PDE7B: variants seen among roughly 807,000 people sequenced by gnomAD.
PDE7B encodes the protein phosphodiesterase 7B, also known as 3',5'-cyclic-AMP phosphodiesterase 7B.
A neutral mutation model predicts 56.2 loss-of-function variants in PDE7B; 29 were observed. The observed-to-expected ratio is 0.52, with a 90% CI of 0.38 to 0.70. The LOEUF (loss-of-function observed/expected upper bound fraction) is 0.70, where lower values mean the gene tolerates loss of function less well. PDE7B is among the 30% of genes least tolerant of loss of function. The pLI is 0.00. For synonymous variants in PDE7B, 197 were observed against 196.9 expected (o/e 1.00, Z 0.00); for missense variants, 490 against 565.0 (o/e 0.87, Z 1.35).
intron 2 of PDE7B, among the ~76,000 whole-genome samples, chr6:136,096,730 A>G (rs1777476275): frequency 6.6e-6 from 1 of 152,108 alleles, no homozygotes; most frequent in African/African-American, 2.4e-5. Flanking sequence ...TAGTTGACCA[A>G]TTGCAAGCCA....
At chr6:135,906,827 T>TTTTG (rs1583758410) in intron 1 of PDE7B, among the ~76,000 whole-genome samples, 1 of 133,454 alleles carries the variant, frequency 7.5e-6, no homozygotes, top group African/African-American at 2.8e-5. Context: ...TTTTTTTTTT[T>TTTTG]TTTTTTTTTA....
intron 1 of PDE7B, among the ~76,000 whole-genome samples, chr6:135,870,881 G>A (rs1775365761): frequency 6.6e-6 from 1 of 152,138 alleles, no homozygotes; most frequent in African/African-American, 2.4e-5. Flanking sequence ...GCGTGGGGAG[G>A]TTGGGAAAGG....
intron 11 of PDE7B, among the ~76,000 whole-genome samples, chr6:136,185,993 C>G (rs1208309132): frequency 6.6e-6 from 1 of 151,820 alleles, no homozygotes; most frequent in African/African-American, 2.4e-5. Flanking sequence ...AAGTTTTGTA[C>G]AATACATTTC....
At chr6:135,983,092 A>G (rs896819335) in intron 2 of PDE7B, among the ~76,000 whole-genome samples, 9 of 152,236 alleles carry the variant, frequency 5.9e-5, no homozygotes, top group Admixed American at 2.0e-4. Flanking sequence ...CAAAAATAAA[A>G]ATGCCATATG....
In PDE7B at chr6:135,978,356, T is replaced by C. The variant is rs533961355; in HGVS notation, c.82+30832T>C. Among the ~76,000 whole-genome samples the C allele has an allele frequency of 4.0e-5, 6 of 151,718 alleles. No individual in the cohort carries two copies. The South Asian group carries it at 8.3e-4, about 21-fold the overall frequency. On this transcript the variant is annotated intron_variant, in intron 2 of 12. Coordinates refer to ENST00000308191, the MANE Select transcript of PDE7B (RefSeq NM_018945.4). Reference sequence around the variant, plus strand: ...TAAATGGAGCTTGCAGGACTGGAAATTGCTGTGGATGAGTGAGTGAGTGAG... The same window carrying C: ...TAAATGGAGCTTGCAGGACTGGAAACTGCTGTGGATGAGTGAGTGAGTGAG...
At position 136,155,764 on chromosome 6, in the gene PDE7B, G is replaced by A; in HGVS notation, c.711+6G>A. On this transcript the variant is annotated splice_donor_region_variant and intron_variant, in intron 8 of 12. Coordinates refer to ENST00000308191, the MANE Select transcript of PDE7B (RefSeq NM_018945.4). ...ATCTTGCAAACCTATATCAGGTAAG[G>A]GAGCCCAACCTGGAGCCAGCCACAG... 1 of 1,613,904 alleles carries A rather than the reference G, an allele frequency of 6.2e-7. No homozygotes were observed.
intron 2 of PDE7B, among the ~76,000 whole-genome samples, chr6:136,064,016 GA>G (rs1374686354): frequency 6.6e-6 from 1 of 152,014 alleles, no homozygotes; most frequent in African/African-American, 2.4e-5. Flanking sequence ...AATGTTGACT[GA>G]AAAATATAAT....
At chr6:135,867,214 T>G (rs1775278000) in intron 1 of PDE7B, among the ~76,000 whole-genome samples, 1 of 152,188 alleles carries the variant, frequency 6.6e-6, no homozygotes, top group African/African-American at 2.4e-5. Context: ...TTGCTATAAC[T>G]TTTTCAATAG....
chr6:136,169,454 C>T (rs1562511933), intron 8 of PDE7B, among the ~76,000 whole-genome samples: 1 of 152,144 alleles, frequency 6.6e-6, no homozygotes, highest in Non-Finnish European at 1.5e-5. Context: ...TCCTAAGTAT[C>T]CTTTTATTCT....
At chr6:136,157,349 G>C (rs1181787177) in intron 8 of PDE7B, among the ~76,000 whole-genome samples, 2 of 152,216 alleles carry the variant, frequency 1.3e-5, no homozygotes, top group African/African-American at 4.8e-5. Context: ...GGGAGGCTGA[G>C]GCAGGCGGAT....
At chr6:136,184,957 AG>A (rs1281001020) in intron 11 of PDE7B, among the ~76,000 whole-genome samples, 4 of 152,164 alleles carry the variant, frequency 2.6e-5, no homozygotes, top group Non-Finnish European at 4.4e-5. Context: ...GATGAGATGG[AG>A]GGTGAAGGGA....
intron 3 of PDE7B, among the ~76,000 whole-genome samples, chr6:136,121,425 T>G (rs1294942905): frequency 6.6e-6 from 1 of 152,226 alleles, no homozygotes; most frequent in Non-Finnish European, 1.5e-5. Flanking sequence ...CTTTATTTTC[T>G]GTTTTGGAGA....
At chr6:136,147,223 C>T (rs1193266223) in intron 3 of PDE7B, 128 bp from the exon 4 acceptor site, 10 of 580,570 alleles carry the variant, frequency 1.7e-5, no homozygotes, top group Admixed American at 3.0e-5. Context: ...GTTCAATAGA[C>T]CATATTTTTA....
intron 1 of PDE7B, among the ~76,000 whole-genome samples, chr6:135,913,472 G>A (rs951585835): frequency 6.6e-6 from 1 of 152,134 alleles, no homozygotes; most frequent in African/African-American, 2.4e-5. Context: ...CACTACTGCG[G>A]TCACTCTTTA....
intron 2 of PDE7B, among the ~76,000 whole-genome samples, chr6:136,056,997 A>C (rs1776748494): frequency 6.6e-6 from 1 of 152,170 alleles, no homozygotes; most frequent in African/African-American, 2.4e-5. Flanking sequence ...TCTGGAGCCC[A>C]ATGGCCCTGT....
At chr6:135,885,511 T>C (rs1775691521) in intron 1 of PDE7B, among the ~76,000 whole-genome samples, 1 of 152,148 alleles carries the variant, frequency 6.6e-6, no homozygotes. Context: ...TATAAACAGT[T>C]CTCTTTAAAT....
At chr6:136,134,823 C>T (rs1054241291) in intron 3 of PDE7B, among the ~76,000 whole-genome samples, 1 of 151,160 alleles carries the variant, frequency 6.6e-6, no homozygotes, top group African/African-American at 2.4e-5. Context: ...CAAGCATTTG[C>T]TCCTCTTGAA....
At chr6:136,180,521 C>G (rs1485487102) in intron 10 of PDE7B, among the ~76,000 whole-genome samples, 1 of 152,178 alleles carries the variant, frequency 6.6e-6, no homozygotes, top group African/African-American at 2.4e-5. Flanking sequence ...CCCAACATTG[C>G]TATCTGTTCT....
chr6:136,015,122 C>T (rs926230024), intron 2 of PDE7B, among the ~76,000 whole-genome samples: 3 of 152,208 alleles, frequency 2.0e-5, no homozygotes, highest in Non-Finnish European at 4.4e-5. Context: ...GTAATCTTTA[C>T]TTGGGCAGAA....
Sources: gnomAD v4.1 joint callset for allele counts (sites outside exome capture counted in the v4.1 genomes callset) on GRCh38, gnomAD v4.1.1 for gene constraint, MANE v1.5 for transcripts, NCBI Gene and HGNC (gene_info 2026-07-23, HGNC 2026-07-21) for gene names.